Variants in GTPBP1 observed in about 807,000 individuals in gnomAD.
GTPBP1 encodes GTP-binding protein 1.
GTPBP1 carries 23 observed loss-of-function variants against 62.0 expected under a neutral mutation model. The ratio of observed to expected loss-of-function variants is 0.37; its 90% CI spans 0.27 to 0.53. The LOEUF (loss-of-function observed/expected upper bound fraction) is 0.53, where lower values mean the gene tolerates loss of function less well. GTPBP1 is among the 20% of genes least tolerant of loss of function. GTPBP1 has a pLI of 0.89. For synonymous variants in GTPBP1, 344 were observed against 364.4 expected, an observed-to-expected ratio of 0.94 and a Z score of 0.64; for missense variants, 640 against 917.3, an observed-to-expected ratio of 0.70 and a Z score of 3.90.
chr22:38,735,974 A>C (rs968321530), downstream of GTPBP1: 2 of 310,460 alleles, frequency 6.4e-6, no homozygotes, highest in Non-Finnish European at 1.3e-5. Flanking sequence ...GTCAGGTCCT[A>C]CCTCTCCCAA....
Position 38,708,912 on chromosome 22 carries a change from A to G in GTPBP1, c.260A>G (p.Asp87Gly). Reference sequence around the variant, plus strand: ...CTTCGGCAGATGTGGGAGAGGATGGACGAGGGATGCGGAGAGACCATATAT... The same window carrying G: ...CTTCGGCAGATGTGGGAGAGGATGGGCGAGGGATGCGGAGAGACCATATAT... ...SLLRQMWERM[D>G]EGCGETIYVI... The change falls in exon 2 of 12, where the codon GAC becomes GGC. Residue 87 changes from aspartate (D) to glycine (G), a missense_variant. Asp to Gly is a moderately conservative substitution (Grantham distance 94, BLOSUM62 -1). Transcript: ENST00000216044. 1 of 1,610,086 alleles carries G rather than the reference A, an allele frequency of 6.2e-7. No individual in the cohort carries two copies. Among genetic ancestry groups the G allele is most frequent in the Non-Finnish European group, 8.5e-7 (1 of 1,176,240 alleles).
downstream of GTPBP1, chr22:38,739,366 C>G: frequency 6.2e-7 from 1 of 1,613,120 alleles, no homozygotes. This position sits in a 1 kb window ranked among gnomAD's most constrained non-coding sequence, Gnocchi z 6.7. Context: ...GCGTAGTCTG[C>G]CAGCCCGATG....
rs1603196817 is a variant in GTPBP1, at chr22:38,726,891, A to G, written c.1402-322A>G. ...GGAATAGTAGGACTTTCTTCCCCAC[A>G]GTGGTCAGGTCATGCCCACCTGTTG... On this transcript the variant is annotated intron_variant, in intron 8 of 11. Transcript: ENST00000216044. The surrounding 1 kb of genome is among the most constrained non-coding windows in gnomAD (Gnocchi z 4.1). Among the ~76,000 whole-genome samples, 2 of 152,126 alleles carry G rather than the reference A, an allele frequency of 1.3e-5. No individual in the cohort carries two copies. Among genetic ancestry groups the G allele is most frequent in the South Asian group, 4.1e-4 (2 of 4,832 alleles).
Position 38,716,355 on chromosome 22 carries a change from T to C in GTPBP1, c.485+268T>C, listed in dbSNP as rs1340802184. 5.1e-6 allele frequency: 3 copies of C among 585,092 alleles called. No homozygotes were observed. The highest frequency in any genetic ancestry group is 6.1e-6 in the Non-Finnish European group (2 of 330,122). 36.2% of individuals were successfully genotyped at this position (585,092 alleles called of 1,614,324 possible). A position where few individuals can be genotyped will look rare whatever the true frequency, so the allele number is the denominator to read the frequency against. ...CAGCCTGTGAGCCTGGAAACCAGGG[T>C]CATGGAGAAGAGCCTTTTGTGCCTC... is the stretch of plus-strand genomic sequence containing the variant. On this transcript the variant is annotated intron_variant, in intron 3 of 11. Coordinates refer to ENST00000216044, the MANE Select transcript of GTPBP1 (RefSeq NM_004286.5). The surrounding 1 kb of genome is among the most constrained non-coding windows in gnomAD (Gnocchi z 5.2).
At chr22:38,715,481 A>G (rs781645985) in intron 2 of GTPBP1, among the ~76,000 whole-genome samples, 1 of 152,176 alleles carries the variant, frequency 6.6e-6, no homozygotes, top group Non-Finnish European at 1.5e-5. Context: ...AGCCCTTTGC[A>G]GAACTGTCCT....
chr22:38,713,401 G>A (rs912508796), intron 2 of GTPBP1, among the ~76,000 whole-genome samples: 2 of 152,138 alleles, frequency 1.3e-5, no homozygotes, highest in Non-Finnish European at 2.9e-5. Flanking sequence ...AGGGAATAGA[G>A]ACTGAATTTG....
intron 5 of GTPBP1, chr22:38,723,534 G>T: frequency 1.6e-6 from 1 of 634,694 alleles, no homozygotes; most frequent in Non-Finnish European, 2.8e-6. Flanking sequence ...AACTTCCTTT[G>T]TCTTGTACTT....
At chr22:38,724,924 G>A (rs2092719471) in intron 6 of GTPBP1, among the ~76,000 whole-genome samples, 3 of 152,122 alleles carry the variant, frequency 2.0e-5, no homozygotes, top group Non-Finnish European at 4.4e-5. Flanking sequence ...TGTTTGTTCT[G>A]CGAGACTCTT....
chr22:38,708,928 G>C lies in GTPBP1; in HGVS notation c.276G>C (p.Glu92Asp), dbSNP rs1187621058. 1 of 1,599,444 alleles carries C rather than the reference G, an allele frequency of 6.3e-7. No individual in the cohort carries two copies. Among genetic ancestry groups the C allele is most frequent in the South Asian group, 1.1e-5 (1 of 90,794 alleles). ...MWERMDEGCG[E>D]TIYVIGQGSD... is the part of the protein sequence containing the mutation. ...AGAGGATGGACGAGGGATGCGGAGA[G>C]ACCATATATGTCATTGGGCAGGGAT... The change falls in exon 2 of 12, where the codon GAG becomes GAC. Residue 92 changes from glutamate to aspartate, a missense_variant. Physicochemically the swap from Glu to Asp is conservative, Grantham distance 45. Coordinates refer to ENST00000216044, the MANE Select transcript of GTPBP1 (RefSeq NM_004286.5).
chr22:38,731,043 T>TGTGTGTGTGTGG lies in GTPBP1; in HGVS notation c.*346_*347insTGTGGGTGTGTG, dbSNP rs1569287419. 2 of 239,658 alleles carry TGTGTGTGTGTGG rather than the reference T, an allele frequency of 8.3e-6. No individual in the cohort carries two copies. Among genetic ancestry groups the TGTGTGTGTGTGG allele is most frequent in the South Asian group, 1.2e-4 (2 of 16,132 alleles). 14.8% of individuals were successfully genotyped at this position (239,658 alleles called of 1,614,324 possible). The stretch of plus-strand genomic sequence containing the variant: ...GTGTGTGTGTGTGTGTGTGTGTGTG[T>TGTGTGTGTGTGG]GTGTGTGGTGCAGGAGTGCCACCCC... On this transcript the variant is annotated 3_prime_UTR_variant, in exon 12 of 12. Transcript: ENST00000216044.
intron 2 of GTPBP1, 124 bp downstream of exon 2, chr22:38,709,080 C>T (rs954099287): frequency 1.7e-4 from 98 of 585,204 alleles, no homozygotes; most frequent in East Asian, 2.8e-4. Flanking sequence ...GTCAGGAGTT[C>T]GAGACCAGCC....
Position 38,711,283 on chromosome 22 carries a change from A to C in GTPBP1, c.304+2327A>C, listed in dbSNP as rs142603829. 2.4e-3 allele frequency among the ~76,000 whole-genome samples: 359 copies of C among 152,334 alleles called. 13 individuals are homozygous for C. In the East Asian group the frequency reaches 0.065, roughly 28 times the overall value. ...AATGTAGAGGAATGTGCTCTTTAAG[A>C]ATACATTCTTAATGTTGATATTTTA... is the stretch of plus-strand genomic sequence containing the variant. On this transcript the variant is annotated intron_variant, in intron 2 of 11. Transcript: ENST00000216044.
intron 4 of GTPBP1, among the ~76,000 whole-genome samples, chr22:38,721,100 A>G (rs543212634): frequency 1.3e-5 from 2 of 152,208 alleles, no homozygotes; most frequent in African/African-American, 4.8e-5. Flanking sequence ...GGTGGGGGAA[A>G]CAGAGTTTCG....
intron 2 of GTPBP1, among the ~76,000 whole-genome samples, chr22:38,711,143 C>T (rs1399320509): frequency 6.6e-6 from 1 of 152,204 alleles, no homozygotes; most frequent in Non-Finnish European, 1.5e-5. Context: ...GGTTTCCTTG[C>T]TGCTTCACCT....
At chr22:38,737,672 A>G (rs1424656091), downstream of GTPBP1, 2 of 351,162 alleles carry the variant, frequency 5.7e-6, no homozygotes, top group South Asian at 2.1e-5. The surrounding 1 kb of genome is among the most constrained non-coding windows in gnomAD (Gnocchi z 4.1). Context: ...GCTTAGGCCA[A>G]TGGTTTGTTC....
chr22:38,721,828 C>T lies in GTPBP1; in HGVS notation c.921C>T (p.Val307=). ...TCAATGTACCTGTCTTTGTGGTAGT[C>T]ACCAAGATTGACATGTGTCCTGCCA... ...LALNVPVFVV[V]TKIDMCPANI... is the part of the protein sequence containing the mutation. Residue 307 remains valine, a synonymous_variant, in exon 5 of 12, where the codon GTC becomes GTT. Coordinates refer to ENST00000216044, the MANE Select transcript of GTPBP1 (RefSeq NM_004286.5). 1 of 1,610,548 alleles carries T rather than the reference C, an allele frequency of 6.2e-7. No individual in the cohort carries two copies.
At chr22:38,742,500 A>G, downstream of GTPBP1, 1 of 1,613,516 alleles carries the variant, frequency 6.2e-7, no homozygotes, top group South Asian at 1.1e-5. Context: ...TTCAGCAGCA[A>G]GAGCTTCCAG....
chr22:38,739,927 G>A (rs781480505), downstream of GTPBP1: 30 of 1,611,344 alleles, frequency 1.9e-5, no homozygotes, highest in Admixed American at 1.0e-4. This position sits in a 1 kb window ranked among gnomAD's most constrained non-coding sequence, Gnocchi z 6.7. Context: ...GATCCAGGCC[G>A]GGAACTGAGA....
rs1254622109 is a variant in GTPBP1 at position 38,716,836 on chromosome 22, G to A, written c.670G>A (p.Val224Ile). Residue 224 changes from valine (V) to isoleucine (I), a missense_variant, in exon 4 of 12, where the codon GTA becomes ATA. Around this residue, in one of 4 missense-constraint regions of GTPBP1, gnomAD observed 88 missense variants for 217.0 expected, o/e 0.41. Transcript: ENST00000216044. The surrounding 1 kb of genome is among the most constrained non-coding windows in gnomAD (Gnocchi z 5.2). ...TCTGGGCTTTGACAGTGAAGGCAATGTAGTGAACAAGCCTGACAGCCACGG... is the reference window on the plus strand; with the variant it reads ...TCTGGGCTTTGACAGTGAAGGCAATATAGTGAACAAGCCTGACAGCCACGG... The part of the protein sequence containing the change: ...DILGFDSEGN[V>I]VNKPDSHGGS... 1 of 1,614,242 alleles carries A rather than the reference G, an allele frequency of 6.2e-7. No individual in the cohort carries two copies. Among genetic ancestry groups the A allele is most frequent in the East Asian group, 2.2e-5 (1 of 44,892 alleles).
Sources: allele counts gnomAD v4.1 joint callset (sites outside exome capture counted in the v4.1 genomes callset), GRCh38; gene constraint gnomAD v4.1.1; regional missense constraint gnomAD v4.1.1; non-coding constraint Gnocchi (gnomAD v3.1); transcripts MANE v1.5; gene names NCBI Gene and HGNC (gene_info 2026-07-23, HGNC 2026-07-21).